GRAMD1B: variants seen among roughly 807,000 people sequenced by gnomAD.
GRAMD1B encodes the protein protein Aster-B.
In GRAMD1B, 37 loss-of-function variants were observed where a neutral mutation model predicts 99.7. The ratio of observed to expected loss-of-function variants is 0.37; its 90% CI spans 0.29 to 0.49. The LOEUF (loss-of-function observed/expected upper bound fraction) is 0.49. Among genes scored for constraint, GRAMD1B ranks in the 20% least tolerant of loss-of-function variants. The pLI is 0.98. For synonymous variants in GRAMD1B, 427 were observed against 387.6 expected, an observed-to-expected ratio of 1.10 and a Z score of -1.19; for missense variants, 888 against 1,009.2, an observed-to-expected ratio of 0.88 and a Z score of 1.63.
chr11:123,570,591 T>C (rs1047336561), intron 2 of GRAMD1B, among the ~76,000 whole-genome samples: 4 of 152,022 alleles, frequency 2.6e-5, no homozygotes, highest in African/African-American at 9.6e-5. Context: ...GCCCAGCTTA[T>C]TTTTGTATTT....
intron 1 of GRAMD1B, among the ~76,000 whole-genome samples, chr11:123,368,275 A>AAAAAAAAAG (rs60644137): frequency 1.2e-3 from 150 of 127,068 alleles, no homozygotes; most frequent in African/African-American, 3.8e-3. Flanking sequence ...AAAAAAAAAA[A>AAAAAAAAAG]AAAGAAAGAA....
chr11:123,486,011 C>A (rs1177844733), intron 2 of GRAMD1B, among the ~76,000 whole-genome samples: 2 of 152,206 alleles, frequency 1.3e-5, no homozygotes, highest in African/African-American at 4.8e-5. Flanking sequence ...CCACTGCACC[C>A]AGCCTGATTG....
rs752102583 is a variant in GRAMD1B, at chr11:123,613,585, C to T, written c.2154C>T (p.His718=). The stretch of plus-strand genomic sequence containing the variant: ...CCCATGCCCACCTGCGAGTCCCTCA[C>T]CTGGAAGAGGTGATGAGCCCGGTCA... ...KRPHAHLRVP[H]LEEVMSPVTT... is the part of the protein sequence containing the mutation. Residue 718 remains histidine (H), a synonymous_variant, in exon 16 of 20, where the codon CAC becomes CAT. Coordinates refer to ENST00000635736, the MANE Select transcript of GRAMD1B (RefSeq NM_001387025.1). 1.9e-6 allele frequency: 3 copies of T among 1,613,746 alleles called. No individual in the cohort carries two copies. The African/African-American group carries it at 4.0e-5, about 22-fold the overall frequency.
At chr11:123,438,637 G>A (rs556854768) in intron 1 of GRAMD1B, among the ~76,000 whole-genome samples, 3 of 152,304 alleles carry the variant, frequency 2.0e-5, no homozygotes, top group Admixed American at 2.0e-4. Flanking sequence ...AGCTTCCTCT[G>A]TGGGAGTTGG....
At chr11:123,608,874 T>A in intron 12 of GRAMD1B, 72 bp downstream of exon 12, 1 of 1,005,316 alleles carries the variant, frequency 9.9e-7, no homozygotes, top group Non-Finnish European at 1.5e-6. Flanking sequence ...TACATTTGCT[T>A]CCTTCCCTTC....
intron 4 of GRAMD1B, among the ~76,000 whole-genome samples, chr11:123,585,765 G>T (rs921029051): frequency 6.6e-6 from 1 of 152,158 alleles, no homozygotes; most frequent in African/African-American, 2.4e-5. Context: ...CCCCATAGGG[G>T]AACAGGACCC....
intron 1 of GRAMD1B, among the ~76,000 whole-genome samples, chr11:123,431,783 G>A (rs574170155): frequency 1.3e-5 from 2 of 152,294 alleles, no homozygotes; most frequent in African/African-American, 2.4e-5. Flanking sequence ...ACTGTGGTTT[G>A]TACCAGCTAG....
chr11:123,513,660 T>TTTCTTAC (rs1941387187), intron 2 of GRAMD1B, among the ~76,000 whole-genome samples: 1 of 148,188 alleles, frequency 6.7e-6, no homozygotes, highest in African/African-American at 2.5e-5. Flanking sequence ...TACCTTTCTT[T>TTTCTTAC]CTTTCTTTCT....
intron 2 of GRAMD1B, among the ~76,000 whole-genome samples, chr11:123,520,165 G>GA (rs1437288497): frequency 6.6e-6 from 1 of 152,178 alleles, no homozygotes; most frequent in African/African-American, 2.4e-5. Flanking sequence ...CAATCAAAAG[G>GA]AAAAAGCTGA....
At position 123,430,900 on chromosome 11, in the gene GRAMD1B, C is replaced by A; in HGVS notation, c.108C>A (p.Pro36=). 1 of 702,658 alleles carries A rather than the reference C, an allele frequency of 1.4e-6. No homozygotes were observed. The highest frequency in any genetic ancestry group is 2.6e-6 in the Non-Finnish European group (1 of 384,846). The allele number at this position is 702,658 out of a possible 1,614,324, so 43.5% of individuals were successfully genotyped here. ...CGGTCTGGTCCAGTTCGTCGACCCC[C>A]ACGCTTCGCCGCCGGCGCTTCAAGA... The part of the protein sequence containing the change: ...GSPVWSSSST[P]TLRRRRFKMR... Residue 36 remains proline (P), a synonymous_variant, in exon 1 of 20, where the codon CCC becomes CCA. Coordinates refer to ENST00000635736, the MANE Select transcript of GRAMD1B (RefSeq NM_001387025.1).
chr11:123,388,959 C>T (rs1947174295), intron 1 of GRAMD1B, among the ~76,000 whole-genome samples: 1 of 152,182 alleles, frequency 6.6e-6, no homozygotes, highest in Non-Finnish European at 1.5e-5. Flanking sequence ...TCAAGGTCAA[C>T]ATCAATGATG....
intron 1 of GRAMD1B, among the ~76,000 whole-genome samples, chr11:123,374,108 A>G (rs1946618018): frequency 6.6e-6 from 1 of 152,164 alleles, no homozygotes; most frequent in Non-Finnish European, 1.5e-5. Flanking sequence ...GTCTGTTCAA[A>G]TGCTATTAAC....
At chr11:123,409,608 G>T (rs1248210276) in intron 1 of GRAMD1B, among the ~76,000 whole-genome samples, 1 of 152,146 alleles carries the variant, frequency 6.6e-6, no homozygotes, top group Non-Finnish European at 1.5e-5. Context: ...CCACCATCCA[G>T]TCCCCTGGGT....
chr11:123,444,978 C>A (rs765758126), intron 1 of GRAMD1B, among the ~76,000 whole-genome samples: 1 of 152,144 alleles, frequency 6.6e-6, no homozygotes, highest in African/African-American at 2.4e-5. Context: ...TTAGCATAAA[C>A]TCAGGTATTA....
At chr11:123,424,404 G>C (rs1948574311) in intron 1 of GRAMD1B, among the ~76,000 whole-genome samples, 1 of 152,162 alleles carries the variant, frequency 6.6e-6, no homozygotes, top group African/African-American at 2.4e-5. Flanking sequence ...GGCTGAGATA[G>C]GAGGATCCCT....
At chr11:123,596,288 G>A (rs190674647) in intron 7 of GRAMD1B, among the ~76,000 whole-genome samples, 220 of 152,314 alleles carry the variant, frequency 1.4e-3, no homozygotes, top group Middle Eastern at 6.8e-3. Flanking sequence ...GACAGTAAGC[G>A]TGTTGGGTAA....
At chr11:123,473,072 T>C (rs1247279527) in intron 1 of GRAMD1B, among the ~76,000 whole-genome samples, 1 of 151,928 alleles carries the variant, frequency 6.6e-6, no homozygotes, top group East Asian at 1.9e-4. Context: ...AATTTCTTCT[T>C]TTATTTTTTG....
intron 17 of GRAMD1B, 39 bp downstream of exon 17, chr11:123,614,874 C>T: frequency 8.4e-7 from 1 of 1,192,410 alleles, no homozygotes; most frequent in Non-Finnish European, 1.2e-6. Context: ...CCCTCACCAC[C>T]TTCCCTTTCC....
chr11:123,379,500 T>C (rs1946801312), intron 1 of GRAMD1B, among the ~76,000 whole-genome samples: 1 of 152,276 alleles, frequency 6.6e-6, no homozygotes, highest in Non-Finnish European at 1.5e-5. Context: ...TGTTTTAGCA[T>C]TTATCATCAC....
Sources: gnomAD v4.1 joint callset for allele counts (sites outside exome capture counted in the v4.1 genomes callset) on GRCh38, gnomAD v4.1.1 for gene constraint, MANE v1.5 for transcripts, NCBI Gene and HGNC (gene_info 2026-07-23, HGNC 2026-07-21) for gene names.